The following KCNH3 variants were observed in gnomAD, a reference collection of about 807,000 sequenced individuals.
KCNH3 encodes the protein potassium voltage-gated channel subfamily H member 3.
A neutral mutation model predicts 95.6 loss-of-function variants in KCNH3; 36 were observed. That is an observed-to-expected ratio of 0.38 (90% CI 0.29 to 0.50). The LOEUF (loss-of-function observed/expected upper bound fraction) is 0.50, where lower values mean the gene tolerates loss of function less well. Among genes scored for constraint, KCNH3 ranks in the 20% least tolerant of loss-of-function variants. The pLI is 0.95. For synonymous variants in KCNH3, 620 were observed against 646.3 expected, an observed-to-expected ratio of 0.96 and a Z score of 0.62; for missense variants, 1,030 against 1,484.1, an observed-to-expected ratio of 0.69 and a Z score of 5.03.
intron 3 of KCNH3, among the ~76,000 whole-genome samples, 200 bp downstream of exon 3, chr12:49,541,964 C>T (rs1937886060): frequency 6.6e-6 from 1 of 152,206 alleles, no homozygotes; most frequent in Admixed American, 6.5e-5. Context: ...CAGATTGAGA[C>T]AAAGTTGGAG....
chr12:49,554,642 T>C (rs968963461), intron 11 of KCNH3, 88 bp downstream of exon 11: 3 of 1,154,682 alleles, frequency 2.6e-6, no homozygotes, highest in East Asian at 2.5e-5. Context: ...TGGAGAGCTG[T>C]GTGTGAAGTG....
chr12:49,541,879 A>T (rs1040766582), intron 3 of KCNH3, 115 bp downstream of exon 3: 13 of 1,117,706 alleles, frequency 1.2e-5, no homozygotes, highest in Non-Finnish European at 1.6e-5. Flanking sequence ...TTTCACTCCC[A>T]CTCAGGCTGC....
chr12:49,555,576 A>T (rs1347247438), intron 11 of KCNH3, 44 bp from the exon 12 acceptor site: 3 of 1,328,132 alleles, frequency 2.3e-6, no homozygotes. Flanking sequence ...GTGGGACACA[A>T]TAGTGACCAT....
chr12:49,543,435 G>T lies in KCNH3; in HGVS notation c.740G>T (p.Cys247Phe). 6.2e-7 allele frequency: 1 copy of T among 1,607,310 alleles called. No homozygotes were observed. The highest frequency in any genetic ancestry group is 8.5e-7 in the Non-Finnish European group (1 of 1,179,974). ...GCTGTCACTGTGCCCTACAGCGTGTGTGTGAGCACAGCACGGGAGCCCAGT... is the reference window on the plus strand; with the variant it reads ...GCTGTCACTGTGCCCTACAGCGTGTTTGTGAGCACAGCACGGGAGCCCAGT... ...YVAVTVPYSV[C>F]VSTAREPSAA... Residue 247 changes from cysteine (C) to phenylalanine (F), a missense_variant, in exon 5 of 15, where the codon TGT becomes TTT. Physicochemically the swap from Cys to Phe is radical, Grantham distance 205. This residue lies in a region of KCNH3 where 153 missense variants were observed against 288.5 expected (regional missense o/e 0.53). Transcript: ENST00000257981.
At chr12:49,556,630 G>C (rs1938458501) in intron 13 of KCNH3, 154 bp downstream of exon 13, 1 of 713,314 alleles carries the variant, frequency 1.4e-6, no homozygotes, top group Admixed American at 2.0e-5. Context: ...CGTGCGGGCA[G>C]GGGAGTTTGG....
chr12:49,541,928 G>T (rs1937885029), intron 3 of KCNH3, among the ~76,000 whole-genome samples, 164 bp downstream of exon 3: 1 of 152,184 alleles, frequency 6.6e-6, no homozygotes, highest in African/African-American at 2.4e-5. Flanking sequence ...ACATTCCTCG[G>T]TATGGGAATA....
Position 49,554,309 on chromosome 12 carries a change from C to T in KCNH3, c.1919-28C>T, listed in dbSNP as rs184291099. The T allele has an allele frequency of 1.4e-4, 223 of 1,587,148 alleles. 1 individual carries two copies. The East Asian group carries it at 4.4e-3, about 31-fold the overall frequency. ...CTCCTCATGGCTGAAGCTCTCAGGG[C>T]TTGCTGACCTCTACTTCCTCTCCCC... On this transcript the variant is annotated intron_variant, in intron 10 of 14. Coordinates refer to ENST00000257981, the MANE Select transcript of KCNH3 (RefSeq NM_012284.3).
chr12:49,541,057 G>A lies in KCNH3; in HGVS notation c.235G>A (p.Val79Ile), dbSNP rs1406236035. 35 of 1,613,254 alleles carry A rather than the reference G, an allele frequency of 2.2e-5. No homozygotes were observed. Among genetic ancestry groups the A allele is most frequent in the Non-Finnish European group, 2.7e-5 (32 of 1,180,026 alleles). Residue 79 changes from valine to isoleucine, a missense_variant, in exon 2 of 15, where the codon GTC becomes ATC. Around this residue, in one of 9 missense-constraint regions of KCNH3, gnomAD observed 63 missense variants for 107.7 expected, o/e 0.59. Coordinates refer to ENST00000257981, the MANE Select transcript of KCNH3 (RefSeq NM_012284.3). ...FLYGPDTSEL[V>I]RQQIRKALDE... is the part of the protein sequence containing the mutation. ...TTATGGGCCAGACACCAGTGAGCTCGTCCGCCAACAGATCCGCAAGGCCCT... is the reference window on the plus strand; with the variant it reads ...TTATGGGCCAGACACCAGTGAGCTCATCCGCCAACAGATCCGCAAGGCCCT...
rs1937801495 is a variant in KCNH3 at position 49,539,630 on chromosome 12, G to A, written c.76+138G>A. The A allele has an allele frequency of 1.4e-6, 1 of 713,480 alleles. No individual in the cohort carries two copies. Among genetic ancestry groups the A allele is most frequent in the Admixed American group, 3.5e-5 (1 of 28,818 alleles). 44.2% of individuals were successfully genotyped at this position (713,480 alleles called of 1,614,324 possible). A position where few individuals can be genotyped will look rare whatever the true frequency, so the allele number is the denominator to read the frequency against. On this transcript the variant is annotated intron_variant, in intron 1 of 14. Transcript: ENST00000257981. This position sits in a 1 kb window ranked among gnomAD's most constrained non-coding sequence, Gnocchi z 6.7. ...CTCCCTACCCGCCCCTCTTGAGGCTGGGGCCATCGTCTCCTGCTAGGCGCT... is the reference window on the plus strand; with the variant it reads ...CTCCCTACCCGCCCCTCTTGAGGCTAGGGCCATCGTCTCCTGCTAGGCGCT...
chr12:49,558,114 C>T lies in KCNH3; in HGVS notation c.*161C>T. On this transcript the variant is annotated 3_prime_UTR_variant, in exon 15 of 15. Coordinates refer to ENST00000257981, the MANE Select transcript of KCNH3 (RefSeq NM_012284.3). Reference sequence around the variant, plus strand: ...AAAGGAGGACCTGGCTCCTGACTCTCAGAGAGGATAGGCTGGATCCCTGGG... The same window carrying T: ...AAAGGAGGACCTGGCTCCTGACTCTTAGAGAGGATAGGCTGGATCCCTGGG... 4.0e-6 allele frequency: 3 copies of T among 751,392 alleles called. No individual in the cohort carries two copies. Among genetic ancestry groups the T allele is most frequent in the Middle Eastern group, 4.3e-4 (1 of 2,336 alleles). The allele number at this position is 751,392 out of a possible 1,614,324, so 46.5% of individuals were successfully genotyped here.
In KCNH3 at chr12:49,557,916, C is replaced by A; in HGVS notation, c.3215C>A (p.Thr1072Lys). ...MVLIGCHGSGTVQWTQEEGTG... is the reference protein window; with the variant it reads ...MVLIGCHGSGKVQWTQEEGTG... ...CTTATTGGCTGCCATGGCTCTGGCA[C>A]AGTCCAGTGGACCCAGGAAGAAGGC... Residue 1072 changes from threonine (T) to lysine (K), a missense_variant, in exon 15 of 15, where the codon ACA (threonine) becomes AAA (lysine). Physicochemically the swap from Thr to Lys is moderately conservative, Grantham distance 78. This residue lies in a region of KCNH3 where 464 missense variants were observed against 493.2 expected (regional missense o/e 0.94). Transcript: ENST00000257981. 1 of 1,526,020 alleles carries A rather than the reference C, an allele frequency of 6.6e-7. No individual in the cohort carries two copies. Among genetic ancestry groups the A allele is most frequent in the Non-Finnish European group, 8.8e-7 (1 of 1,136,972 alleles). The allele number at this position is 1,526,020 out of a possible 1,614,324, so 94.5% of individuals were successfully genotyped here.
intron 2 of KCNH3, 135 bp from the exon 3 acceptor site, chr12:49,541,495 G>A: frequency 9.7e-7 from 1 of 1,031,572 alleles, no homozygotes; most frequent in Non-Finnish European, 1.4e-6. Flanking sequence ...CAGTGAAACT[G>A]GACTGCCAGC....
At chr12:49,549,907 G>T (rs1938201018) in intron 9 of KCNH3, among the ~76,000 whole-genome samples, 173 bp from the exon 10 acceptor site, 1 of 152,204 alleles carries the variant, frequency 6.6e-6, no homozygotes, top group African/African-American at 2.4e-5. Context: ...GGGAGGTGGA[G>T]GAAGCCCCCT....
chr12:49,551,259 A>G lies in KCNH3; in HGVS notation c.1918+930A>G, dbSNP rs545769085. On this transcript the variant is annotated intron_variant, in intron 10 of 14. Coordinates refer to ENST00000257981, the MANE Select transcript of KCNH3 (RefSeq NM_012284.3). The stretch of plus-strand genomic sequence containing the variant: ...TGGGAGCACATTCTAACTCTCAGGG[A>G]AACATGGGGCTGTGTCTGTGAAAAG... Among the ~76,000 whole-genome samples, 25 of 152,224 alleles carry G rather than the reference A, an allele frequency of 1.6e-4. 1 individual carries two copies. Among genetic ancestry groups the G allele is most frequent in the African/African-American group, 5.3e-4 (22 of 41,522 alleles).
Position 49,544,287 on chromosome 12 carries a change from C to G in KCNH3, c.1094C>G (p.Ala365Gly). ...YSAVVLTLLM[A>G]VFALLAHWVA... ...GCCGTGGTGCTGACACTGCTCATGGCCGTGTTCGCCCTGCTCGCGCACTGG... is the reference window on the plus strand; with the variant it reads ...GCCGTGGTGCTGACACTGCTCATGGGCGTGTTCGCCCTGCTCGCGCACTGG... Residue 365 changes from alanine (A) to glycine (G), a missense_variant, in exon 7 of 15, where the codon GCC (alanine) becomes GGC (glycine). Ala to Gly is a moderately conservative substitution (Grantham distance 60). This residue lies in a region of KCNH3 where 153 missense variants were observed against 288.5 expected (regional missense o/e 0.53). Coordinates refer to ENST00000257981, the MANE Select transcript of KCNH3 (RefSeq NM_012284.3). The G allele has an allele frequency of 6.2e-7, 1 of 1,611,736 alleles. No homozygotes were observed. The highest frequency in any genetic ancestry group is 8.5e-7 in the Non-Finnish European group (1 of 1,179,624).
intron 10 of KCNH3, among the ~76,000 whole-genome samples, chr12:49,553,565 C>G (rs1287167345): frequency 2.6e-5 from 4 of 152,132 alleles, no homozygotes; most frequent in African/African-American, 4.8e-5. Flanking sequence ...ACAGACACAC[C>G]CTATTTCATT....
rs546219753 is a variant in KCNH3 at position 49,544,510 on chromosome 12, G to C, written c.1189+128G>C. 109 of 881,688 alleles carry C rather than the reference G, an allele frequency of 1.2e-4. No homozygotes were observed. The East Asian group carries it at 2.7e-3, about 22-fold the overall frequency. 54.6% of individuals were successfully genotyped at this position (881,688 alleles called of 1,614,324 possible). ...TGCACGTGTGCAAATCAGAGAAGAG[G>C]GTGTGCAGGTGTGAGTGTGACAGCC... On this transcript the variant is annotated intron_variant, in intron 7 of 14. Transcript: ENST00000257981.
chr12:49,550,043 T>TTGCCCCCCCCC, intron 9 of KCNH3, 37 bp from the exon 10 acceptor site: 5 of 1,299,540 alleles, frequency 3.8e-6, no homozygotes, highest in South Asian at 1.3e-5. Context: ...CTTCTGCCAC[T>TTGCCCCCCCCC]CCCAACCCCC....
In KCNH3 at chr12:49,544,181, G is replaced by C. The variant is rs774963226; in HGVS notation, c.988G>C (p.Gly330Arg). 4.0e-6 allele frequency: 6 copies of C among 1,512,834 alleles called. No homozygotes were observed. The highest frequency in any genetic ancestry group is 1.1e-5 in the South Asian group (1 of 88,122). 93.7% of individuals were successfully genotyped at this position (1,512,834 alleles called of 1,614,324 possible). Residue 330 changes from glycine (G) to arginine (R), a missense_variant, in exon 7 of 15, where the codon GGG (glycine) becomes CGG (arginine). Around this residue, in one of 9 missense-constraint regions of KCNH3, gnomAD observed 153 missense variants for 288.5 expected, o/e 0.53. Coordinates refer to ENST00000257981, the MANE Select transcript of KCNH3 (RefSeq NM_012284.3). ...CTCCCTCCCCGCATCTCAGTACTTCGGGGCCCATCTGCTGAAGACGGTGCG... is the reference window on the plus strand; with the variant it reads ...CTCCCTCCCCGCATCTCAGTACTTCCGGGCCCATCTGCTGAAGACGGTGCG... ...LHAFKVNVYFGAHLLKTVRLL... is the reference protein window; with the variant it reads ...LHAFKVNVYFRAHLLKTVRLL...
Sources: allele counts gnomAD v4.1 joint callset (sites outside exome capture counted in the v4.1 genomes callset), GRCh38; gene constraint gnomAD v4.1.1; regional missense constraint gnomAD v4.1.1; non-coding constraint Gnocchi (gnomAD v3.1); transcripts MANE v1.5; gene names NCBI Gene and HGNC (gene_info 2026-07-23, HGNC 2026-07-21).